LRGUK: variants seen among roughly 807,000 people sequenced by gnomAD.
The protein encoded by LRGUK is leucine-rich repeat and guanylate kinase domain-containing protein.
LRGUK carries 65 observed loss-of-function variants against 76.0 expected under a neutral mutation model. That is an observed-to-expected ratio of 0.85 (90% confidence interval 0.70 to 1.05). LRGUK has a LOEUF of 1.05. Among genes scored for constraint, LRGUK ranks in the 50% least tolerant of loss-of-function variants. The pLI is 0.00. For synonymous variants in LRGUK, 268 were observed against 265.6 expected (o/e 1.01, Z -0.09); for missense variants, 758 against 732.8 (o/e 1.03, Z -0.40).
chr7:134,182,754 T>G (rs1222421), intron 10 of LRGUK, among the ~76,000 whole-genome samples: 148,427 of 151,210 alleles, frequency 0.98, 72,911 homozygotes, highest in East Asian at 1. Context: ...ATTTTATTAT[T>G]ATGATGATGA....
chr7:134,127,519 A>G (rs1563129343), exon 1 of LRGUK: 19 of 1,614,196 alleles, frequency 1.2e-5, no homozygotes, highest in South Asian at 2.2e-5. Context: ...CAGAAGACGA[A>G]AGGCAGCTCT....
At chr7:134,142,750 T>C (rs1271584143) in intron 3 of LRGUK, among the ~76,000 whole-genome samples, 3 of 152,248 alleles carry the variant, frequency 2.0e-5, no homozygotes, top group Non-Finnish European at 2.9e-5. Context: ...CATTTCATTG[T>C]TAGTGGCAGA....
At chr7:134,224,040 A>G (rs930688) in intron 16 of LRGUK, among the ~76,000 whole-genome samples, 10,149 of 152,212 alleles carry the variant, frequency 0.067, 758 homozygotes, top group African/African-American at 0.18. Flanking sequence ...TTGTCCTTCC[A>G]GTCCTGGGAA....
intron 16 of LRGUK, 149 bp downstream of exon 16, chr7:134,222,067 A>T: frequency 1.5e-6 from 1 of 655,458 alleles, no homozygotes; most frequent in Non-Finnish European, 2.2e-6. Flanking sequence ...CTCTTTGTAC[A>T]TCCCTGAGAA....
At chr7:134,128,407 T>G (rs1392445287) in intron 1 of LRGUK, among the ~76,000 whole-genome samples, 1 of 152,230 alleles carries the variant, frequency 6.6e-6, no homozygotes, top group Non-Finnish European at 1.5e-5. Flanking sequence ...TTCCTCTTCT[T>G]TCTTATGCTT....
intron 16 of LRGUK, among the ~76,000 whole-genome samples, chr7:134,222,515 A>G (rs1381146801): frequency 6.6e-6 from 1 of 152,114 alleles, no homozygotes; most frequent in African/African-American, 2.4e-5. Context: ...TGCAATTGCA[A>G]TTTGCTGCAG....
At chr7:134,212,935 T>TTAACTTTTCCAAGTTA (rs1585565368), downstream of LRGUK, among the ~76,000 whole-genome samples, 3 of 152,246 alleles carry the variant, frequency 2.0e-5, no homozygotes, top group East Asian at 5.8e-4. Flanking sequence ...GTCATAAGAA[T>TTAACTTTTCCAAGTTA]ACCAAGGAAG....
At chr7:134,194,013 A>C (rs1800376378) in intron 12 of LRGUK, among the ~76,000 whole-genome samples, 1 of 152,108 alleles carries the variant, frequency 6.6e-6, no homozygotes, top group Admixed American at 6.6e-5. Flanking sequence ...AGATATGAGA[A>C]CCCTTTTAAT....
the LRGUK span, among the ~76,000 whole-genome samples, chr7:134,270,375 T>A: frequency 1.5e-4 from 23 of 152,118 alleles, no homozygotes; most frequent in Non-Finnish European, 2.9e-5. Context: ...ACTTATATCT[T>A]ACAAGTGAAA....
At chr7:134,172,522 C>T (rs4538813) in intron 7 of LRGUK, among the ~76,000 whole-genome samples, 21,774 of 152,140 alleles carry the variant, frequency 0.14, 2,221 homozygotes, top group East Asian at 0.38. Flanking sequence ...AACTGGTTCA[C>T]AGCTTATGAA....
chr7:134,214,219 C>CT (rs59354010), downstream of LRGUK, among the ~76,000 whole-genome samples: 3,242 of 147,784 alleles, frequency 0.022, 111 homozygotes, highest in African/African-American at 0.075. Context: ...ACAGGATAGA[C>CT]TTTTTTTTTT....
At chr7:134,273,771 T>C in the LRGUK span, among the ~76,000 whole-genome samples, 6 of 152,218 alleles carry the variant, frequency 3.9e-5, no homozygotes, top group African/African-American at 4.8e-5. Flanking sequence ...TGCTTATTTT[T>C]TATTAGTATT....
chr7:134,213,695 T>C (rs147942925), downstream of LRGUK, among the ~76,000 whole-genome samples: 9 of 152,310 alleles, frequency 5.9e-5, 1 homozygote, highest in Admixed American at 1.3e-4. Flanking sequence ...TTTGGTAGTA[T>C]ATGTTCCTAA....
At chr7:134,247,426 T>A (rs1802331289) in intron 16 of LRGUK, 130 bp from the exon 17 acceptor site, 7 of 569,594 alleles carry the variant, frequency 1.2e-5, no homozygotes, top group Non-Finnish European at 2.1e-5. Flanking sequence ...CAATTGTTTT[T>A]TATGCCTTTT....
intron 4 of LRGUK, among the ~76,000 whole-genome samples, chr7:134,144,028 A>C (rs2116850623): frequency 6.6e-6 from 1 of 152,346 alleles, no homozygotes; most frequent in South Asian, 2.1e-4. Flanking sequence ...CTGATACCCA[A>C]ATCCCACTGC....
intron 11 of LRGUK, among the ~76,000 whole-genome samples, chr7:134,185,750 T>A (rs1262010259): frequency 6.6e-6 from 1 of 152,178 alleles, no homozygotes. Flanking sequence ...CAAAAAAACT[T>A]CCTTCCCTGA....
exon 15 of LRGUK, chr7:134,201,492 G>A (rs1320386063): frequency 6.2e-7 from 1 of 1,613,660 alleles, no homozygotes; most frequent in East Asian, 2.2e-5. Context: ...TGATCTGGAT[G>A]TTGCCTACCA....
At chr7:134,194,043 A>G (rs973533284) in intron 12 of LRGUK, among the ~76,000 whole-genome samples, 1 of 152,124 alleles carries the variant, frequency 6.6e-6, no homozygotes, top group African/African-American at 2.4e-5. Context: ...CACAGTCCCC[A>G]CAGAAACTCT....
chr7:134,248,643 T>C (rs1416741693), intron 17 of LRGUK, among the ~76,000 whole-genome samples: 1 of 152,214 alleles, frequency 6.6e-6, no homozygotes, highest in Non-Finnish European at 1.5e-5. Flanking sequence ...AGTTGATATA[T>C]TGCTAGCCCT....
Sources: allele counts gnomAD v4.1 joint callset (sites outside exome capture counted in the v4.1 genomes callset), GRCh38; gene constraint gnomAD v4.1.1; transcripts MANE v1.5; gene names NCBI Gene and HGNC (gene_info 2026-07-23, HGNC 2026-07-21).